Variants in HTRA1 observed in about 807,000 individuals in gnomAD.
The protein encoded by HTRA1 is serine protease HTRA1.
Under a neutral mutation model 49.7 loss-of-function variants are expected in HTRA1, and 26 were observed. That is an observed-to-expected ratio of 0.52 (90% confidence interval 0.38 to 0.73). The LOEUF (loss-of-function observed/expected upper bound fraction) is 0.73, where lower values mean the gene tolerates loss of function less well. Among genes scored for constraint, HTRA1 ranks in the 30% least tolerant of loss-of-function variants. The pLI, the probability that HTRA1 is intolerant of heterozygous loss-of-function variation, is 0.00. For synonymous variants in HTRA1, 291 were observed against 286.9 expected (o/e 1.01, Z -0.14); for missense variants, 561 against 667.2 (o/e 0.84, Z 1.75).
chr10:122,461,610 C>G lies in HTRA1; in HGVS notation c.-43C>G. On this transcript the variant is annotated 5_prime_UTR_variant, in exon 1 of 9. Transcript: ENST00000368984. ...ACTCTCCCCGGCGCCGCTCTCCGGC[C>G]CTCGCCCTGTCCGCCGCCACCGCCG... 9 of 1,224,356 alleles carry G rather than the reference C, an allele frequency of 7.4e-6. No homozygotes were observed. Among genetic ancestry groups the G allele is most frequent in the Non-Finnish European group, 9.6e-6 (9 of 941,310 alleles). The allele number at this position is 1,224,356 out of a possible 1,614,324, so 75.8% of individuals were successfully genotyped here. A position where few individuals can be genotyped will look rare whatever the true frequency, so the allele number is the denominator to read the frequency against.
intron 1 of HTRA1, among the ~76,000 whole-genome samples, chr10:122,482,638 G>A (rs1331792466): frequency 2.6e-5 from 4 of 151,886 alleles, no homozygotes; most frequent in African/African-American, 7.3e-5. Flanking sequence ...GCACATATTC[G>A]GCCAGGTGCG....
intron 1 of HTRA1, among the ~76,000 whole-genome samples, chr10:122,468,241 C>G (rs767541469): frequency 4.7e-4 from 71 of 152,110 alleles, no homozygotes; most frequent in Admixed American, 1.3e-3. Flanking sequence ...GTGACTTCAT[C>G]TCTAAGTCTC....
intron 3 of HTRA1, among the ~76,000 whole-genome samples, chr10:122,504,154 G>A (rs910970537): frequency 6.6e-6 from 1 of 152,188 alleles, no homozygotes; most frequent in Non-Finnish European, 1.5e-5. Flanking sequence ...TGGGCAAGCA[G>A]CCTGCAGCCT....
At position 122,488,963 on chromosome 10, in the gene HTRA1, G is replaced by T; in HGVS notation, c.534G>T (p.Lys178Asn). The stretch of plus-strand genomic sequence containing the variant: ...ACTTTATCGCGGACGTGGTGGAGAA[G>T]ATCGCCCCTGCCGTGGTTCATATCG... ...KYNFIADVVE[K>N]IAPAVVHIEL... The change falls in exon 2 of 9, where the codon AAG becomes AAT. Residue 178 changes from lysine (K) to asparagine (N), a missense_variant. This residue lies in a region of HTRA1 where 271 missense variants were observed against 410.0 expected (regional missense o/e 0.66). Transcript: ENST00000368984. 3.7e-6 allele frequency: 6 copies of T among 1,614,158 alleles called. No homozygotes were observed. Among genetic ancestry groups the T allele is most frequent in the Non-Finnish European group, 5.1e-6 (6 of 1,179,986 alleles).
chr10:122,489,744 C>G (rs2097494904), intron 3 of HTRA1, 118 bp downstream of exon 3: 2 of 949,916 alleles, frequency 2.1e-6, no homozygotes. Context: ...CCAGTCTGAG[C>G]CAGTCACAGG....
At chr10:122,480,363 A>G (rs1475993204) in intron 1 of HTRA1, among the ~76,000 whole-genome samples, 2 of 152,180 alleles carry the variant, frequency 1.3e-5, no homozygotes, top group Non-Finnish European at 2.9e-5. Context: ...GAAGCTCTGC[A>G]GGGAGAAGGG....
chr10:122,470,382 G>A (rs1452834740), intron 1 of HTRA1, among the ~76,000 whole-genome samples: 2 of 152,178 alleles, frequency 1.3e-5, no homozygotes, highest in African/African-American at 4.8e-5. Context: ...GGGTATGGAG[G>A]AGCTTCGTCA....
chr10:122,490,719 A>G lies in HTRA1; in HGVS notation c.777+1093A>G, dbSNP rs78047965. Reference sequence around the variant, plus strand: ...AGTAATTCCAGACAAGCGTGGAATTAATCTGGCTGTTTGTGCTGTTCAGTG... The same window carrying G: ...AGTAATTCCAGACAAGCGTGGAATTGATCTGGCTGTTTGTGCTGTTCAGTG... On this transcript the variant is annotated intron_variant, in intron 3 of 8. Coordinates refer to ENST00000368984, the MANE Select transcript of HTRA1 (RefSeq NM_002775.5). This position sits in a 1 kb window ranked among gnomAD's most constrained non-coding sequence, Gnocchi z 4.2. Among the ~76,000 whole-genome samples the G allele has an allele frequency of 9.1e-3, 1,383 of 152,264 alleles. 25 individuals carry two copies. The highest frequency in any genetic ancestry group is 0.032 in the African/African-American group (1,313 of 41,548).
intron 3 of HTRA1, among the ~76,000 whole-genome samples, chr10:122,497,000 A>G (rs1299206573): frequency 6.6e-6 from 1 of 152,192 alleles, no homozygotes; most frequent in Non-Finnish European, 1.5e-5. Context: ...ATTCACAATG[A>G]TACGATCACC....
chr10:122,496,231 T>TTTTTTTTTTTTG (rs2097498659), intron 3 of HTRA1, among the ~76,000 whole-genome samples: 1 of 65,384 alleles, frequency 1.5e-5, no homozygotes, highest in Admixed American at 2.8e-4. Flanking sequence ...GTGGGTTCTT[T>TTTTTTTTTTTTG]TTTTTTTTTT....
At chr10:122,512,094 A>G (rs1436698503) in intron 8 of HTRA1, 29 bp downstream of exon 8, 16 of 1,477,780 alleles carry the variant, frequency 1.1e-5, no homozygotes, top group Non-Finnish European at 1.4e-5. Context: ...CTCTTTTCCC[A>G]ATATTCTTGT....
intron 1 of HTRA1, among the ~76,000 whole-genome samples, chr10:122,474,658 C>T (rs1346885811): frequency 6.6e-6 from 1 of 152,140 alleles, no homozygotes; most frequent in Non-Finnish European, 1.5e-5. Flanking sequence ...GAGCCAGACG[C>T]TTATCAAGAG....
chr10:122,503,678 A>C (rs1437405334), intron 3 of HTRA1, among the ~76,000 whole-genome samples: 1 of 152,130 alleles, frequency 6.6e-6, no homozygotes, highest in Non-Finnish European at 1.5e-5. Context: ...ATGGGGGGAA[A>C]ATATAGCTCA....
chr10:122,494,748 G>T lies in HTRA1; in HGVS notation c.777+5122G>T, dbSNP rs1407019759. On this transcript the variant is annotated intron_variant, in intron 3 of 8. Coordinates refer to ENST00000368984, the MANE Select transcript of HTRA1 (RefSeq NM_002775.5). The surrounding 1 kb of genome is among the most constrained non-coding windows in gnomAD (Gnocchi z 4.0). ...TCTGGGCGCTGGGGCCGCTGTGTTT[G>T]CAGAGGGTCCTCTTACTGCTGAGCT... Among the ~76,000 whole-genome samples, 1 of 152,168 alleles carries T rather than the reference G, an allele frequency of 6.6e-6. No homozygotes were observed. Among genetic ancestry groups the T allele is most frequent in the East Asian group, 1.9e-4 (1 of 5,164 alleles).
chr10:122,484,028 C>T (rs1386159916), intron 1 of HTRA1, among the ~76,000 whole-genome samples: 2 of 152,218 alleles, frequency 1.3e-5, no homozygotes, highest in South Asian at 2.1e-4. Context: ...CCTTTCCAAT[C>T]TCTATGCCTT....
intron 3 of HTRA1, among the ~76,000 whole-genome samples, chr10:122,498,042 G>A (rs538442137): frequency 6.6e-6 from 1 of 152,314 alleles, no homozygotes; most frequent in East Asian, 1.9e-4. Flanking sequence ...ATTGGAAATG[G>A]CAAACATCTG....
Position 122,476,386 on chromosome 10 carries a change from C to T in HTRA1, c.473-12516C>T, listed in dbSNP as rs148106991. On this transcript the variant is annotated intron_variant, in intron 1 of 8. Transcript: ENST00000368984. ...GCCCCTCTCCCCAGCTGCACAGCAT[C>T]AGGTTAGTTAACCACCTGCCTCCAT... 1.1e-4 allele frequency among the ~76,000 whole-genome samples: 16 copies of T among 152,310 alleles called. No homozygotes were observed. In the East Asian group the frequency reaches 2.7e-3, roughly 26 times the overall value.
chr10:122,461,620 TCCGCCGCCA>T lies in HTRA1; in HGVS notation c.-24_-16del. Reference sequence around the variant, plus strand: ...GCGCCGCTCTCCGGCCCTCGCCCTGTCCGCCGCCACCGCCGCCGCCGCCAGAGTCGCCAT... The same window carrying T: ...GCGCCGCTCTCCGGCCCTCGCCCTGTCCGCCGCCGCCGCCAGAGTCGCCAT... On this transcript the variant is annotated 5_prime_UTR_variant, in exon 1 of 9. Coordinates refer to ENST00000368984, the MANE Select transcript of HTRA1 (RefSeq NM_002775.5). 3 of 1,262,206 alleles carry T rather than the reference TCCGCCGCCA, an allele frequency of 2.4e-6. No individual in the cohort carries two copies. Among genetic ancestry groups the T allele is most frequent in the Non-Finnish European group, 3.1e-6 (3 of 974,506 alleles). The allele number at this position is 1,262,206 out of a possible 1,614,324, so 78.2% of individuals were successfully genotyped here. A position where few individuals can be genotyped will look rare whatever the true frequency, so the allele number is the denominator to read the frequency against.
At chr10:122,465,859 T>C (rs1258184200) in intron 1 of HTRA1, among the ~76,000 whole-genome samples, 1 of 152,186 alleles carries the variant, frequency 6.6e-6, no homozygotes, top group Non-Finnish European at 1.5e-5. Context: ...GGACCTCTGC[T>C]AAAACATGGA....
Sources: allele counts gnomAD v4.1 joint callset (sites outside exome capture counted in the v4.1 genomes callset), GRCh38; gene constraint gnomAD v4.1.1; regional missense constraint gnomAD v4.1.1; non-coding constraint Gnocchi (gnomAD v3.1); transcripts MANE v1.5; gene names NCBI Gene and HGNC (gene_info 2026-07-23, HGNC 2026-07-21).